Variants in GALNTL6 observed in about 807,000 individuals in gnomAD.
GALNTL6 encodes polypeptide N-acetylgalactosaminyltransferase like 6, also known as polypeptide N-acetylgalactosaminyltransferase-like 6.
GALNTL6 carries 46 observed loss-of-function variants against 73.7 expected under a neutral mutation model. The ratio of observed to expected loss-of-function variants is 0.62; its 90% confidence interval spans 0.49 to 0.80. The LOEUF (loss-of-function observed/expected upper bound fraction) is 0.80, where lower values mean the gene tolerates loss of function less well. Among genes scored for constraint, GALNTL6 ranks in the 30% least tolerant of loss-of-function variants. The pLI is 0.00. For missense variants in GALNTL6, 604 were observed against 755.0 expected (o/e 0.80, Z 2.34); for synonymous variants, 259 against 263.7 (o/e 0.98, Z 0.17).
At chr4:172,236,920 A>G (rs1216513661) in intron 3 of GALNTL6, among the ~76,000 whole-genome samples, 1 of 152,032 alleles carries the variant, frequency 6.6e-6, no homozygotes, top group Non-Finnish European at 1.5e-5. Flanking sequence ...TTCTTTGTCT[A>G]TGTGTACTCA....
intron 2 of GALNTL6, among the ~76,000 whole-genome samples, chr4:172,089,587 G>C (rs1732141233): frequency 6.6e-6 from 1 of 152,034 alleles, no homozygotes; most frequent in Non-Finnish European, 1.5e-5. Flanking sequence ...TCAGGATTAA[G>C]TCTAGGTAAT....
intron 2 of GALNTL6, among the ~76,000 whole-genome samples, chr4:172,033,195 T>G (rs1741822746): frequency 6.6e-6 from 1 of 150,536 alleles, no homozygotes; most frequent in African/African-American, 2.5e-5. Flanking sequence ...GAGAGAGAGA[T>G]CAGACAACTC....
intron 8 of GALNTL6, among the ~76,000 whole-genome samples, chr4:172,892,176 G>T (rs1746068395): frequency 6.6e-6 from 1 of 152,176 alleles, no homozygotes; most frequent in Admixed American, 6.5e-5. Flanking sequence ...AGGATCCATT[G>T]CTGGGGAGCT....
intron 2 of GALNTL6, among the ~76,000 whole-genome samples, chr4:172,109,712 A>C (rs1015600909): frequency 6.6e-6 from 1 of 152,162 alleles, no homozygotes; most frequent in Admixed American, 6.5e-5. Context: ...TATTAACCAC[A>C]TGGCTGAGAA....
rs142434436 is a variant in GALNTL6 at position 173,035,055 on chromosome 4, T to C, written c.1639-4878T>C. 8.1e-3 allele frequency among the ~76,000 whole-genome samples: 1,234 copies of C among 152,066 alleles called. 12 individuals carry two copies. The highest frequency in any genetic ancestry group is 0.01 in the Non-Finnish European group (686 of 67,998). On this transcript the variant is annotated intron_variant, in intron 12 of 12. Transcript: ENST00000506823. The stretch of plus-strand genomic sequence containing the variant: ...AACCTAATTCATATCCTACTCACCC[T>C]CATCTACAATCTCATTGACACTTTT...
chr4:172,443,856 G>A (rs761835573), intron 5 of GALNTL6, among the ~76,000 whole-genome samples: 16 of 152,146 alleles, frequency 1.1e-4, no homozygotes, highest in Non-Finnish European at 1.5e-4. Flanking sequence ...GGTGTGGCCC[G>A]GATGTTGGGA....
At chr4:172,152,491 C>T in intron 2 of GALNTL6, among the ~76,000 whole-genome samples, 1 of 152,216 alleles carries the variant, frequency 6.6e-6, no homozygotes, top group Non-Finnish European at 1.5e-5. Context: ...CTGGAGACAA[C>T]TGCATTCATG....
chr4:172,337,123 A>T (rs1420808826), intron 4 of GALNTL6, among the ~76,000 whole-genome samples: 1 of 151,958 alleles, frequency 6.6e-6, no homozygotes, highest in Non-Finnish European at 1.5e-5. Context: ...TGTGTAATAG[A>T]TCTTTCTCCA....
intron 5 of GALNTL6, among the ~76,000 whole-genome samples, chr4:172,726,366 A>T (rs1735806180): frequency 1.3e-5 from 2 of 152,292 alleles, no homozygotes; most frequent in South Asian, 4.2e-4. Flanking sequence ...GACAAAGGTC[A>T]GTCTTAAGCC....
chr4:172,770,794 C>T (rs1436886988), intron 5 of GALNTL6, among the ~76,000 whole-genome samples: 1 of 152,130 alleles, frequency 6.6e-6, no homozygotes, highest in South Asian at 2.1e-4. Flanking sequence ...AACTATTGAT[C>T]TTGTTCTAAT....
intron 2 of GALNTL6, among the ~76,000 whole-genome samples, chr4:172,058,036 A>G (rs1249103152): frequency 6.6e-6 from 1 of 151,744 alleles, no homozygotes; most frequent in African/African-American, 2.4e-5. Context: ...GCAACTACAC[A>G]TTTTGGAGTT....
At chr4:172,957,254 T>C (rs568216333) in intron 10 of GALNTL6, among the ~76,000 whole-genome samples, 4 of 152,230 alleles carry the variant, frequency 2.6e-5, no homozygotes, top group African/African-American at 4.8e-5. Context: ...TAGATTTCCA[T>C]GATGAAAAGG....
intron 3 of GALNTL6, among the ~76,000 whole-genome samples, chr4:172,266,705 A>AT (rs982470294): frequency 2.6e-5 from 4 of 152,076 alleles, no homozygotes; most frequent in African/African-American, 9.7e-5. Context: ...CCCTACAGAT[A>AT]TTTTTAAAGG....
At chr4:172,248,247 A>C (rs1011174990) in intron 3 of GALNTL6, among the ~76,000 whole-genome samples, 3 of 152,230 alleles carry the variant, frequency 2.0e-5, no homozygotes, top group Admixed American at 6.5e-5. Flanking sequence ...AAATACTTTC[A>C]TTAGCAACTT....
At chr4:172,350,037 A>C (rs77409591) in intron 5 of GALNTL6, among the ~76,000 whole-genome samples, 3,440 of 152,218 alleles carry the variant, frequency 0.023, 121 homozygotes, top group African/African-American at 0.077. Flanking sequence ...TACTATTTCA[A>C]AGCAGTCATC....
chr4:171,940,357 G>A (rs1738492700), intron 2 of GALNTL6, among the ~76,000 whole-genome samples: 1 of 151,804 alleles, frequency 6.6e-6, no homozygotes, highest in African/African-American at 2.4e-5. Flanking sequence ...AAATAAGAAT[G>A]TCTGACTCAT....
chr4:172,546,820 G>GTATATATATGTATATATACATA, intron 5 of GALNTL6, among the ~76,000 whole-genome samples: 1 of 49,052 alleles, frequency 2.0e-5, no homozygotes, highest in African/African-American at 9.8e-5. Context: ...ATATATATAC[G>GTATATATATGTATATATACATA]TATATGTATA....
At chr4:172,464,261 C>G (rs1732720645) in intron 5 of GALNTL6, among the ~76,000 whole-genome samples, 2 of 152,038 alleles carry the variant, frequency 1.3e-5, no homozygotes, top group Non-Finnish European at 2.9e-5. Flanking sequence ...AAAATTATGA[C>G]TTGCAGAACA....
intron 12 of GALNTL6, among the ~76,000 whole-genome samples, chr4:173,022,717 A>G (rs746788060): frequency 1.6e-4 from 25 of 152,252 alleles, no homozygotes; most frequent in Admixed American, 8.5e-4. Context: ...TACTTGGGGA[A>G]TTTAAAAGTT....
Sources: gnomAD v4.1 joint callset for allele counts (sites outside exome capture counted in the v4.1 genomes callset) on GRCh38, gnomAD v4.1.1 for gene constraint, MANE v1.5 for transcripts, NCBI Gene and HGNC (gene_info 2026-07-23, HGNC 2026-07-21) for gene names.